Variants in EFEMP1 observed in about 807,000 individuals in gnomAD.
EFEMP1 encodes EGF-like fibulin extracellular matrix protein 1.
In EFEMP1, 18 loss-of-function variants were observed where a neutral mutation model predicts 65.7. That is an observed-to-expected ratio of 0.27 (90% CI 0.19 to 0.41). The LOEUF (loss-of-function observed/expected upper bound fraction) is 0.41. Among genes scored for constraint, EFEMP1 ranks in the 10% least tolerant of loss-of-function variants. EFEMP1 has a pLI of 1.00. For synonymous variants in EFEMP1, 237 were observed against 219.7 expected, an observed-to-expected ratio of 1.08 and a Z score of -0.70; for missense variants, 469 against 624.8, an observed-to-expected ratio of 0.75 and a Z score of 2.66.
intron 3 of EFEMP1, among the ~76,000 whole-genome samples, chr2:55,918,689 TTC>T (rs1232870668): frequency 2.6e-5 from 3 of 117,034 alleles, no homozygotes; most frequent in South Asian, 3.3e-4. Flanking sequence ...CCCTGGACTC[TTC>T]TCTCTCTCTC....
Position 55,919,959 on chromosome 2 carries a change from C to G in EFEMP1, c.82-1692G>C, listed in dbSNP as rs1670857389. Reference sequence around the variant, plus strand: ...CCCATGAGTAGGCAAGGCCCCGCATCTCTACATGCTGCATACAGACCCCAT... The same window carrying G: ...CCCATGAGTAGGCAAGGCCCCGCATGTCTACATGCTGCATACAGACCCCAT... On this transcript the variant is annotated intron_variant, in intron 3 of 11. Coordinates refer to ENST00000355426, the MANE Select transcript of EFEMP1 (RefSeq NM_001039348.3). This position sits in a 1 kb window ranked among gnomAD's most constrained non-coding sequence, Gnocchi z 4.5. 6.6e-6 allele frequency among the ~76,000 whole-genome samples: 1 copy of G among 152,224 alleles called. No individual in the cohort carries two copies. Among genetic ancestry groups the G allele is most frequent in the Non-Finnish European group, 1.5e-5 (1 of 68,038 alleles).
At chr2:55,878,149 G>C (rs971529835) in intron 6 of EFEMP1, among the ~76,000 whole-genome samples, 8 of 152,104 alleles carry the variant, frequency 5.3e-5, no homozygotes, top group Non-Finnish European at 8.8e-5. Context: ...ATATATATAA[G>C]ATGTCAGTTT....
chr2:55,908,994 A>G (rs983874536), intron 5 of EFEMP1, among the ~76,000 whole-genome samples: 1 of 152,218 alleles, frequency 6.6e-6, no homozygotes, highest in Non-Finnish European at 1.5e-5. Flanking sequence ...CAGGATATAA[A>G]GAATAGGTTT....
intron 5 of EFEMP1, among the ~76,000 whole-genome samples, chr2:55,888,858 A>G (rs1428171615): frequency 6.6e-6 from 1 of 152,140 alleles, no homozygotes; most frequent in Non-Finnish European, 1.5e-5. Flanking sequence ...TGGCCTTGGG[A>G]GGAATTAAGA....
chr2:55,897,727 C>T (rs915302882), intron 5 of EFEMP1, among the ~76,000 whole-genome samples: 7 of 152,254 alleles, frequency 4.6e-5, no homozygotes, highest in African/African-American at 1.7e-4. Flanking sequence ...CTTTCTGTAC[C>T]GCTTTTAAAT....
intron 5 of EFEMP1, among the ~76,000 whole-genome samples, chr2:55,895,717 A>G (rs1669803913): frequency 6.6e-6 from 1 of 151,130 alleles, no homozygotes; most frequent in South Asian, 2.1e-4. Context: ...AATTTTTTGT[A>G]TTTTTAGTAG....
intron 5 of EFEMP1, among the ~76,000 whole-genome samples, chr2:55,894,034 A>G (rs566779587): frequency 1.6e-4 from 25 of 152,342 alleles, no homozygotes; most frequent in Admixed American, 8.5e-4. Context: ...CAAATCTAGT[A>G]TCTTCTGCAT....
In EFEMP1 at chr2:55,923,499, C is replaced by T. The variant is rs961319730; in HGVS notation, c.-49+212G>A. On this transcript the variant is annotated intron_variant, in intron 1 of 11. Coordinates refer to ENST00000355426, the MANE Select transcript of EFEMP1 (RefSeq NM_001039348.3). This position sits in a 1 kb window ranked among gnomAD's most constrained non-coding sequence, Gnocchi z 5.3. ...TGTCGGCGCGCACACACATGCCCATCCCAACAGATGTCACCCGAGTACTCG... is the reference window on the plus strand; with the variant it reads ...TGTCGGCGCGCACACACATGCCCATTCCAACAGATGTCACCCGAGTACTCG... Among the ~76,000 whole-genome samples the T allele has an allele frequency of 3.3e-5, 5 of 152,214 alleles. No homozygotes were observed. The highest frequency in any genetic ancestry group is 6.5e-5 in the Admixed American group (1 of 15,286).
intron 5 of EFEMP1, among the ~76,000 whole-genome samples, chr2:55,895,636 G>A (rs1033278879): frequency 4.6e-5 from 7 of 151,856 alleles, no homozygotes; most frequent in African/African-American, 1.7e-4. Flanking sequence ...CCGCCCCCGG[G>A]GTTCACGCCA....
intron 8 of EFEMP1, among the ~76,000 whole-genome samples, chr2:55,875,333 T>TACACACACACACACACACACACAC (rs1340819904): frequency 1.1e-3 from 137 of 126,908 alleles, no homozygotes; most frequent in African/African-American, 4.0e-3. Context: ...GGGTTTCATA[T>TACACACACACACACACACACACAC]ATACACACAC....
chr2:55,896,430 A>T (rs1162883246), intron 5 of EFEMP1, among the ~76,000 whole-genome samples: 3 of 152,232 alleles, frequency 2.0e-5, no homozygotes, highest in Non-Finnish European at 4.4e-5. Context: ...TTCTATGTGG[A>T]GAAAAACTAG....
At position 55,873,215 on chromosome 2, in the gene EFEMP1, A is replaced by C. The variant is rs989857518; in HGVS notation, c.1000+1731T>G. Among the ~76,000 whole-genome samples, 1 of 152,036 alleles carries C rather than the reference A, an allele frequency of 6.6e-6. No individual in the cohort carries two copies. The highest frequency in any genetic ancestry group is 1.5e-5 in the Non-Finnish European group (1 of 67,936). On this transcript the variant is annotated intron_variant, in intron 9 of 11. Coordinates refer to ENST00000355426, the MANE Select transcript of EFEMP1 (RefSeq NM_001039348.3). This position sits in a 1 kb window ranked among gnomAD's most constrained non-coding sequence, Gnocchi z 4.6. The stretch of plus-strand genomic sequence containing the variant: ...TCAATTTCATTTTATTCCTGTGGAC[A>C]AGGCTCAGAAGGAACGATTTCCGTA...
chr2:55,908,464 TA>T lies in EFEMP1; in HGVS notation c.517+9200del, dbSNP rs1435262781. On this transcript the variant is annotated intron_variant, in intron 5 of 11. Transcript: ENST00000355426. ...AGAATGGGGGGAGATGGGGAGACGT[TA>T]ATCAAAGGGTACAAAGTTTCAGTTA... is the stretch of plus-strand genomic sequence containing the variant. Among the ~76,000 whole-genome samples, 8 of 152,216 alleles carry T rather than the reference TA, an allele frequency of 5.3e-5. No homozygotes were observed. The East Asian group carries it at 1.5e-3, about 29-fold the overall frequency.
Position 55,922,289 on chromosome 2 carries a change from G to T in EFEMP1, c.81+71C>A, listed in dbSNP as rs1039384604. On this transcript the variant is annotated intron_variant, in intron 3 of 11. Coordinates refer to ENST00000355426, the MANE Select transcript of EFEMP1 (RefSeq NM_001039348.3). The surrounding 1 kb of genome is among the most constrained non-coding windows in gnomAD (Gnocchi z 5.5). ...AGTATAGCCCAAATACACTGGCAGG[G>T]GTGTGTAAAGTCTTTTTTTGTCACA... The T allele has an allele frequency of 9.5e-6, 13 of 1,364,530 alleles. No homozygotes were observed. In the African/African-American group the frequency reaches 1.9e-4, roughly 20 times the overall value. 84.5% of individuals were successfully genotyped at this position (1,364,530 alleles called of 1,614,324 possible).
intron 5 of EFEMP1, among the ~76,000 whole-genome samples, chr2:55,915,415 G>A (rs1670642451): frequency 2.6e-5 from 4 of 152,166 alleles, no homozygotes. Context: ...TACTTTGTTA[G>A]GTAGTCTAAA....
chr2:55,888,813 A>AT (rs1403190949), intron 5 of EFEMP1, among the ~76,000 whole-genome samples: 1 of 152,192 alleles, frequency 6.6e-6, no homozygotes, highest in Non-Finnish European at 1.5e-5. Flanking sequence ...GTTTAAGCCC[A>AT]TGCCACACAG....
intron 6 of EFEMP1, among the ~76,000 whole-genome samples, chr2:55,879,866 G>A (rs959829813): frequency 3.9e-5 from 6 of 152,156 alleles, no homozygotes; most frequent in African/African-American, 1.2e-4. Context: ...TTGGTCTGCC[G>A]TAGATTGGAA....
chr2:55,910,071 C>G (rs1040396033), intron 5 of EFEMP1, among the ~76,000 whole-genome samples: 4 of 152,122 alleles, frequency 2.6e-5, no homozygotes, highest in Non-Finnish European at 5.9e-5. Context: ...TAGAATTTGA[C>G]TTAGTGCAAA....
At chr2:55,910,156 T>C (rs1670428935) in intron 5 of EFEMP1, among the ~76,000 whole-genome samples, 2 of 152,232 alleles carry the variant, frequency 1.3e-5, no homozygotes, top group East Asian at 3.8e-4. Context: ...TCTGTAGTTA[T>C]GCTAACAGCT....
Sources: gnomAD v4.1 joint callset for allele counts (sites outside exome capture counted in the v4.1 genomes callset) on GRCh38, gnomAD v4.1.1 for gene constraint, Gnocchi (gnomAD v3.1) non-coding constraint, MANE v1.5 for transcripts, NCBI Gene and HGNC (gene_info 2026-07-23, HGNC 2026-07-21) for gene names.